The following SPIDR variants were observed in gnomAD, a reference collection of about 807,000 sequenced individuals.
The protein encoded by SPIDR is DNA repair-scaffolding protein.
In SPIDR, 93 loss-of-function variants were observed where a neutral mutation model predicts 104.6. The ratio of observed to expected loss-of-function variants is 0.89; its 90% CI spans 0.75 to 1.06. The LOEUF (loss-of-function observed/expected upper bound fraction) is 1.06, where lower values mean the gene tolerates loss of function less well. SPIDR is among the 50% of genes least tolerant of loss of function. The pLI, the probability that SPIDR is intolerant of heterozygous loss-of-function variation, is 0.00. For missense variants in SPIDR, 1,154 were observed against 1,111.2 expected (o/e 1.04, Z -0.55); for synonymous variants, 431 against 416.9 (o/e 1.03, Z -0.41).
intron 8 of SPIDR, among the ~76,000 whole-genome samples, chr8:47,561,497 A>G (rs548029807): frequency 2.0e-5 from 3 of 152,364 alleles, no homozygotes; most frequent in East Asian, 3.9e-4. Flanking sequence ...AGCCCGCTGC[A>G]GTTGATCTTT....
At chr8:47,620,976 G>C (rs571721343) in intron 10 of SPIDR, among the ~76,000 whole-genome samples, 17 of 150,902 alleles carry the variant, frequency 1.1e-4, no homozygotes, top group African/African-American at 4.1e-4. Context: ...TTGTTTTTTT[G>C]AGATGGAGTC....
chr8:47,598,465 A>T (rs2061875961), intron 9 of SPIDR, among the ~76,000 whole-genome samples: 1 of 152,208 alleles, frequency 6.6e-6, no homozygotes, highest in Non-Finnish European at 1.5e-5. Flanking sequence ...AGCTGATACT[A>T]CGTAAGGGGT....
At chr8:47,658,029 C>CAAA (rs34648437) in intron 10 of SPIDR, among the ~76,000 whole-genome samples, 4 of 76,036 alleles carry the variant, frequency 5.3e-5, no homozygotes, top group East Asian at 4.1e-4. Context: ...GACCCTGTCT[C>CAAA]AAAAAAAAAA....
At chr8:47,404,989 A>G (rs11776864) in intron 6 of SPIDR, among the ~76,000 whole-genome samples, 111,782 of 152,126 alleles carry the variant, frequency 0.73, 41,212 homozygotes, top group East Asian at 0.81. Flanking sequence ...TTAAGAAAAT[A>G]TGGCACATAT....
chr8:47,498,612 G>C (rs183214585), intron 8 of SPIDR, among the ~76,000 whole-genome samples: 1 of 151,966 alleles, frequency 6.6e-6, no homozygotes, highest in African/African-American at 2.4e-5. Context: ...GTTACTGCTG[G>C]TATATCCTAG....
chr8:47,539,972 C>T (rs28461936), intron 8 of SPIDR, among the ~76,000 whole-genome samples: 2,236 of 152,114 alleles, frequency 0.015, 62 homozygotes, highest in African/African-American at 0.049. Flanking sequence ...ATTCTGTGGC[C>T]CTGAGAGACA....
intron 8 of SPIDR, among the ~76,000 whole-genome samples, chr8:47,458,370 ATTTT>A (rs1564026575): frequency 4.0e-5 from 6 of 148,182 alleles, no homozygotes; most frequent in African/African-American, 1.5e-4. Context: ...ATTTTATTTT[ATTTT>A]ATTTTATTTT....
chr8:47,472,970 G>T (rs1180369500), intron 8 of SPIDR, among the ~76,000 whole-genome samples: 1 of 152,152 alleles, frequency 6.6e-6, no homozygotes, highest in Non-Finnish European at 1.5e-5. Context: ...TCTTCTGGGG[G>T]TCGGGTGTTA....
At chr8:47,454,288 C>A (rs1585980088) in intron 8 of SPIDR, among the ~76,000 whole-genome samples, 1 of 152,074 alleles carries the variant, frequency 6.6e-6, no homozygotes, top group Non-Finnish European at 1.5e-5. Flanking sequence ...CATGGAATAC[C>A]ATGCAGCCAT....
rs181071557 is a variant in SPIDR at position 47,667,078 on chromosome 8, C to A, written c.1545-6723C>A. Among the ~76,000 whole-genome samples the A allele has an allele frequency of 2.0e-5, 3 of 151,932 alleles. No homozygotes were observed. The East Asian group carries it at 5.8e-4, about 29-fold the overall frequency. ...GGCAGATGACCTGAGGTCAGGAGTT[C>A]AAGACCAGCATGGCCAACATGGTGA... On this transcript the variant is annotated intron_variant, in intron 10 of 19. Coordinates refer to ENST00000297423, the MANE Select transcript of SPIDR (RefSeq NM_001080394.4).
Position 47,476,980 on chromosome 8 carries a change from A to C in SPIDR, c.1097+36438A>C, listed in dbSNP as rs186723891. On this transcript the variant is annotated intron_variant, in intron 8 of 19. Coordinates refer to ENST00000297423, the MANE Select transcript of SPIDR (RefSeq NM_001080394.4). The stretch of plus-strand genomic sequence containing the variant: ...AAATATAACCTGTTTAAATGAGAAC[A>C]ATTTCTGTTAATATCTGTTAGTACA... Among the ~76,000 whole-genome samples, 7 of 152,362 alleles carry C rather than the reference A, an allele frequency of 4.6e-5. No individual in the cohort carries two copies. In the East Asian group the frequency reaches 9.6e-4, roughly 21 times the overall value.
intron 10 of SPIDR, among the ~76,000 whole-genome samples, chr8:47,647,757 A>G (rs2070809320): frequency 6.6e-6 from 1 of 152,080 alleles, no homozygotes; most frequent in African/African-American, 2.4e-5. Context: ...GAGGGCTGCT[A>G]TTTTTACATA....
At chr8:47,625,574 G>A (rs1443148996) in intron 10 of SPIDR, among the ~76,000 whole-genome samples, 3 of 152,022 alleles carry the variant, frequency 2.0e-5, no homozygotes, top group Admixed American at 6.5e-5. Context: ...AAAATCACAA[G>A]CATTCTTATA....
intron 1 of SPIDR, among the ~76,000 whole-genome samples, chr8:47,266,397 A>G (rs1470947242): frequency 6.6e-6 from 1 of 152,058 alleles, no homozygotes; most frequent in Non-Finnish European, 1.5e-5. Flanking sequence ...CGGCCTCTCA[A>G]AGTGTTAGGA....
intron 8 of SPIDR, among the ~76,000 whole-genome samples, chr8:47,540,303 A>G (rs1323936003): frequency 1.3e-5 from 2 of 152,248 alleles, no homozygotes; most frequent in Non-Finnish European, 2.9e-5. Context: ...GATGTCATCC[A>G]AAAAGAATTT....
rs61587773 is a variant in SPIDR at position 47,365,978 on chromosome 8, A to G, written c.526-30398A>G. Reference sequence around the variant, plus strand: ...TATGTTTACACATACATGCACAAGCACACACACACACACACACACAAACAC... The same window carrying G: ...TATGTTTACACATACATGCACAAGCGCACACACACACACACACACAAACAC... On this transcript the variant is annotated intron_variant, in intron 5 of 19. Coordinates refer to ENST00000297423, the MANE Select transcript of SPIDR (RefSeq NM_001080394.4). 5.1e-3 allele frequency among the ~76,000 whole-genome samples: 740 copies of G among 144,772 alleles called. 4 individuals are homozygous for G. Among genetic ancestry groups the G allele is most frequent in the African/African-American group, 0.019 (697 of 36,036 alleles). The allele number at this position is 144,772 out of a possible 152,430, so 95.0% of individuals were successfully genotyped here.
At chr8:47,656,986 A>G (rs1420250178) in intron 10 of SPIDR, among the ~76,000 whole-genome samples, 2 of 152,200 alleles carry the variant, frequency 1.3e-5, no homozygotes, top group Admixed American at 6.5e-5. Context: ...AATCCAATCA[A>G]TTGTTGCCAG....
At chr8:47,717,909 C>T (rs1461507945) in intron 16 of SPIDR, among the ~76,000 whole-genome samples, 3 of 152,204 alleles carry the variant, frequency 2.0e-5, no homozygotes, top group Non-Finnish European at 4.4e-5. Flanking sequence ...TCCTAACACT[C>T]GGCTGCTGCC....
intron 11 of SPIDR, among the ~76,000 whole-genome samples, chr8:47,686,447 C>A (rs962482261): frequency 3.2e-4 from 48 of 152,100 alleles, no homozygotes; most frequent in African/African-American, 1.0e-3. Flanking sequence ...CCAAGAAAAT[C>A]TCTGTTAATA....
Sources: allele counts gnomAD v4.1 joint callset (sites outside exome capture counted in the v4.1 genomes callset), GRCh38; gene constraint gnomAD v4.1.1; transcripts MANE v1.5; gene names NCBI Gene and HGNC (gene_info 2026-07-23, HGNC 2026-07-21).